Variants in C2orf42 observed in about 807,000 individuals in gnomAD.
C2orf42 encodes the protein uncharacterized protein C2orf42.
C2orf42 carries 44 observed loss-of-function variants against 58.9 expected under a neutral mutation model. The ratio of observed to expected loss-of-function variants is 0.75; its 90% confidence interval spans 0.59 to 0.96. The LOEUF (loss-of-function observed/expected upper bound fraction) is 0.96, where lower values mean the gene tolerates loss of function less well. C2orf42 is among the 40% of genes least tolerant of loss of function. The probability of loss-of-function intolerance (pLI) is 0.00; values close to 1 mark genes in which losing one functional copy is unlikely to be tolerated. For missense variants in C2orf42, 630 were observed against 699.2 expected (o/e 0.90, Z 1.12); for synonymous variants, 239 against 265.4 (o/e 0.90, Z 0.97).
chr2:70,183,176 TC>T (rs1368451427), intron 1 of C2orf42, among the ~76,000 whole-genome samples: 1 of 152,010 alleles, frequency 6.6e-6, no homozygotes, highest in Non-Finnish European at 1.5e-5. Context: ...GGTGGCTCAC[TC>T]CTGTAATCCC....
chr2:70,189,330 C>T lies in C2orf42; in HGVS notation c.-282+1643G>A, dbSNP rs181796527. On this transcript the variant is annotated intron_variant, in intron 1 of 9. Coordinates refer to ENST00000264434, the MANE Select transcript of C2orf42 (RefSeq NM_017880.3). ...CTGAGGCAGGAGGATCGCTTGAACC[C>T]GGGAGCCAGAGGTTGCGGTGAGCCA... Among the ~76,000 whole-genome samples the T allele has an allele frequency of 4.1e-3, 555 of 134,444 alleles. 4 individuals carry two copies. Among genetic ancestry groups the T allele is most frequent in the African/African-American group, 0.014 (519 of 35,916 alleles). 88.2% of individuals were successfully genotyped at this position (134,444 alleles called of 152,430 possible). A position where few individuals can be genotyped will look rare whatever the true frequency, so the allele number is the denominator to read the frequency against.
At chr2:70,183,696 G>A (rs1324902727) in intron 1 of C2orf42, among the ~76,000 whole-genome samples, 7 of 148,334 alleles carry the variant, frequency 4.7e-5, no homozygotes, top group African/African-American at 7.5e-5. Flanking sequence ...GATTACAGGC[G>A]TGAGCCAATG....
At chr2:70,171,386 G>A (rs1673810253) in intron 5 of C2orf42, among the ~76,000 whole-genome samples, 1 of 152,194 alleles carries the variant, frequency 6.6e-6, no homozygotes, top group African/African-American at 2.4e-5. Flanking sequence ...TCTCAATAAT[G>A]AACATATTCT....
Position 70,181,466 on chromosome 2 carries a change from T to A in C2orf42, c.520A>T (p.Thr174Ser). The stretch of plus-strand genomic sequence containing the variant: ...TGCACCAGAGGACCTGTGGGTTCCG[T>A]GGCCAACTGCCAGATGGTCTGTTTG... ...ETKQTIWQLA[T>S]EPTGPLVQRI... Residue 174 changes from threonine to serine, a missense_variant, in exon 3 of 10, where the codon ACG becomes TCG. Transcript: ENST00000264434. 1 of 1,614,006 alleles carries A rather than the reference T, an allele frequency of 6.2e-7. No individual in the cohort carries two copies.
chr2:70,186,797 T>C (rs1251383774), intron 1 of C2orf42, among the ~76,000 whole-genome samples: 2 of 152,170 alleles, frequency 1.3e-5, no homozygotes, highest in Non-Finnish European at 2.9e-5. Flanking sequence ...GTTCATGTCC[T>C]TTGTAGGGAC....
chr2:70,179,582 C>G lies in C2orf42; in HGVS notation c.884G>C (p.Cys295Ser). The change falls in exon 4 of 10, where the codon TGT becomes TCT. Residue 295 changes from cysteine to serine, a missense_variant. Transcript: ENST00000264434. Reference protein sequence around the residue: ...GCHSESTVSACESTASKSKKR... With the variant: ...GCHSESTVSASESTASKSKKR... ...CTTTGACTTAGAGGCAGTAGACTCA[C>G]AAGCAGATACTGTTGATTCTGAATG... The G allele has an allele frequency of 6.4e-7, 1 of 1,574,622 alleles. No homozygotes were observed. Among genetic ancestry groups the G allele is most frequent in the South Asian group, 1.1e-5 (1 of 89,990 alleles).
intron 1 of C2orf42, among the ~76,000 whole-genome samples, chr2:70,183,180 G>A (rs752999115): frequency 1.3e-5 from 2 of 152,130 alleles, no homozygotes; most frequent in African/African-American, 4.8e-5. Flanking sequence ...GCTCACTCCT[G>A]TAATCCCAGA....
Position 70,175,697 on chromosome 2 carries a change from C to T in C2orf42, c.1015G>A (p.Val339Ile). The T allele has an allele frequency of 1.2e-6, 2 of 1,612,046 alleles. No individual in the cohort carries two copies. The highest frequency in any genetic ancestry group is 1.1e-5 in the South Asian group (1 of 91,028). ...CCCTGCCTTTTTAACGAGGAAGCAA[C>T]CACAGGCTTTTTCAGGCCACTTTTC... ...LRKSGLKKPVVASSLKRQACG... is the reference protein window; with the variant it reads ...LRKSGLKKPVIASSLKRQACG... The change falls in exon 5 of 10, where the codon GTT (valine) becomes ATT (isoleucine). Residue 339 changes from valine (V) to isoleucine (I), a missense_variant. Coordinates refer to ENST00000264434, the MANE Select transcript of C2orf42 (RefSeq NM_017880.3).
At chr2:70,176,398 G>A (rs1465848845) in intron 4 of C2orf42, among the ~76,000 whole-genome samples, 1 of 151,980 alleles carries the variant, frequency 6.6e-6, no homozygotes, top group African/African-American at 2.4e-5. Flanking sequence ...CAGCTACTCA[G>A]GAGGCTGAGG....
intron 1 of C2orf42, among the ~76,000 whole-genome samples, chr2:70,185,167 G>A (rs187034603): frequency 5.3e-5 from 8 of 152,242 alleles, no homozygotes; most frequent in Non-Finnish European, 8.8e-5. Context: ...TTGGGAGGCC[G>A]AGGCGGGTGG....
At chr2:70,188,825 G>A (rs996938164) in intron 1 of C2orf42, among the ~76,000 whole-genome samples, 1 of 152,124 alleles carries the variant, frequency 6.6e-6, no homozygotes, top group Admixed American at 6.6e-5. Context: ...TTTACAAAAT[G>A]TCCCTCAATT....
At position 70,150,398 on chromosome 2, in the gene C2orf42, C is replaced by G. The variant is rs1468020106; in HGVS notation, c.1683G>C (p.Gln561His). 1 of 1,614,120 alleles carries G rather than the reference C, an allele frequency of 6.2e-7. No homozygotes were observed. The highest frequency in any genetic ancestry group is 1.7e-5 in the Admixed American group (1 of 60,004). Residue 561 changes from glutamine (Q) to histidine (H), a missense_variant, in exon 10 of 10, where the codon CAG becomes CAC. Gln to His is a conservative substitution (Grantham distance 24, BLOSUM62 0). Transcript: ENST00000264434. ...TGGTCAGAGGGGCCAGTTCCAAGGG[C>G]TGGTCCAAGGGGGGCCGCTGGTCTT... The part of the protein sequence containing the change: ...EYQDQRPPLD[Q>H]PLELAPLTTI...
chr2:70,175,674 C>T lies in C2orf42; in HGVS notation c.1038G>A (p.Gln346=), dbSNP rs1340980758. ...CTATTCTAGGGAAGGGAAACTTACC[C>T]TGCCTTTTTAACGAGGAAGCAACCA... ...KPVVASSLKR[Q]ACGQLLDEAQ... Residue 346 remains glutamine (Q), a splice_region_variant and synonymous_variant, in exon 5 of 10, where the codon CAG becomes CAA. Transcript: ENST00000264434. 1.9e-6 allele frequency: 3 copies of T among 1,594,176 alleles called. No homozygotes were observed. The highest frequency in any genetic ancestry group is 1.7e-5 in the Admixed American group (1 of 59,940).
Position 70,179,447 on chromosome 2 carries a change from A to C in C2orf42, c.934+85T>G, listed in dbSNP as rs989016584. ...AAATAAAATATAGTATTTTCTTATA[A>C]TTGCTGAGGTTCAGTCAAAGACATA... On this transcript the variant is annotated intron_variant, in intron 4 of 9. Coordinates refer to ENST00000264434, the MANE Select transcript of C2orf42 (RefSeq NM_017880.3). The C allele has an allele frequency of 1.0e-5, 5 of 497,090 alleles. No individual in the cohort carries two copies. In the Admixed American group the frequency reaches 1.6e-4, roughly 16 times the overall value. The allele number at this position is 497,090 out of a possible 1,614,324, so 30.8% of individuals were successfully genotyped here.
intron 8 of C2orf42, 112 bp from the exon 9 acceptor site, chr2:70,160,899 C>A: frequency 1.5e-6 from 1 of 661,658 alleles, no homozygotes; most frequent in Non-Finnish European, 2.4e-6. Flanking sequence ...TAAGTATATT[C>A]AAATGAATTA....
chr2:70,167,087 A>G (rs4852446), intron 6 of C2orf42, among the ~76,000 whole-genome samples: 34,608 of 151,992 alleles, frequency 0.23, 5,534 homozygotes, highest in African/African-American at 0.42. Flanking sequence ...GGCCAGGCAC[A>G]GTGGCTCACA....
intron 4 of C2orf42, among the ~76,000 whole-genome samples, chr2:70,178,367 G>C (rs1674328172): frequency 6.6e-6 from 1 of 152,164 alleles, no homozygotes; most frequent in South Asian, 2.1e-4. Flanking sequence ...AGCACTTTGG[G>C]AGGCCAAGGC....
chr2:70,180,755 A>C (rs1219301516), intron 3 of C2orf42, among the ~76,000 whole-genome samples: 2 of 151,822 alleles, frequency 1.3e-5, no homozygotes, highest in East Asian at 3.9e-4. Context: ...TGATCTCAGC[A>C]CTTTGGGAGG....
chr2:70,150,357 T>C lies in C2orf42; in HGVS notation c.1724A>G (p.Ter575=). ...LAPLTTITFP[*] Reference sequence around the variant, plus strand: ...AAAAGATTATTATCTTGTTTTGCTTTAAGGGAAAGTAATAGTGGTCAGAGG... The same window carrying C: ...AAAAGATTATTATCTTGTTTTGCTTCAAGGGAAAGTAATAGTGGTCAGAGG... The change falls in exon 10 of 10, where the codon TAA becomes TGA. Residue 575 remains the stop codon, a stop_retained_variant. Coordinates refer to ENST00000264434, the MANE Select transcript of C2orf42 (RefSeq NM_017880.3). 1.9e-6 allele frequency: 3 copies of C among 1,613,122 alleles called. No individual in the cohort carries two copies. The highest frequency in any genetic ancestry group is 2.5e-6 in the Non-Finnish European group (3 of 1,179,616).
Sources: allele counts gnomAD v4.1 joint callset (sites outside exome capture counted in the v4.1 genomes callset), GRCh38; gene constraint gnomAD v4.1.1; transcripts MANE v1.5; gene names NCBI Gene and HGNC (gene_info 2026-07-23, HGNC 2026-07-21).